Variants in NAALADL2 observed in about 807,000 individuals in gnomAD.
The protein encoded by NAALADL2 is inactive N-acetylated-alpha-linked acidic dipeptidase-like protein 2.
Under a neutral mutation model 87.2 loss-of-function variants are expected in NAALADL2, and 76 were observed. The observed-to-expected ratio is 0.87, with a 90% CI of 0.72 to 1.05. The LOEUF is 1.05. Among genes scored for constraint, NAALADL2 ranks in the 50% least tolerant of loss-of-function variants. NAALADL2 has a pLI of 0.00. For synonymous variants in NAALADL2, 354 were observed against 331.0 expected, an observed-to-expected ratio of 1.07 and a Z score of -0.75; for missense variants, 1,089 against 945.8, an observed-to-expected ratio of 1.15 and a Z score of -1.99.
At chr3:175,168,607 A>G (rs925516458) in intron 2 of NAALADL2, among the ~76,000 whole-genome samples, 1 of 151,464 alleles carries the variant, frequency 6.6e-6, no homozygotes, top group Admixed American at 6.6e-5. Context: ...ATTCAATTCT[A>G]AATTATTCAT....
intron 4 of NAALADL2, among the ~76,000 whole-genome samples, chr3:175,323,029 A>T (rs903499129): frequency 6.6e-6 from 1 of 150,750 alleles, no homozygotes; most frequent in Non-Finnish European, 1.5e-5. Flanking sequence ...CTATAAAGAC[A>T]CATGCACACG....
chr3:175,214,505 A>G (rs542885665), intron 2 of NAALADL2, among the ~76,000 whole-genome samples: 1 of 152,284 alleles, frequency 6.6e-6, no homozygotes, highest in South Asian at 2.1e-4. Context: ...TGATAGATCT[A>G]TTCATGGCTT....
rs951153326 is a variant in NAALADL2, at chr3:175,384,663, T to C, written c.1090+60338T>C. Among the ~76,000 whole-genome samples the C allele has an allele frequency of 3.3e-5, 5 of 152,038 alleles. 1 individual carries two copies. The highest frequency in any genetic ancestry group is 1.2e-4 in the African/African-American group (5 of 41,548). ...TTATAATTTCTCTTAAATTTGTTTG[T>C]GCAATAATATTGCATTATTACCAAT... On this transcript the variant is annotated intron_variant, in intron 5 of 13. Transcript: ENST00000454872.
intron 5 of NAALADL2, among the ~76,000 whole-genome samples, chr3:175,360,561 T>C (rs551437970): frequency 4.0e-4 from 61 of 152,138 alleles, no homozygotes; most frequent in South Asian, 2.1e-3. Flanking sequence ...ACAGGAGATA[T>C]AAGTGTTGAG....
chr3:174,879,142 G>A (rs753255573), intron 1 of NAALADL2, among the ~76,000 whole-genome samples: 20 of 151,980 alleles, frequency 1.3e-4, no homozygotes, highest in South Asian at 2.1e-4. Flanking sequence ...TATTTTTTTC[G>A]TACCTAAATA....
chr3:175,331,703 T>C (rs546841842), intron 5 of NAALADL2, among the ~76,000 whole-genome samples: 2 of 152,272 alleles, frequency 1.3e-5, no homozygotes, highest in East Asian at 3.9e-4. Flanking sequence ...AAGACATGGA[T>C]GTCCACTTTC....
intron 2 of NAALADL2, among the ~76,000 whole-genome samples, chr3:175,146,274 C>T (rs934911608): frequency 6.6e-6 from 1 of 151,990 alleles, no homozygotes; most frequent in Non-Finnish European, 1.5e-5. Flanking sequence ...AAGTGAGTCT[C>T]TGGTCTACCC....
intron 3 of NAALADL2, among the ~76,000 whole-genome samples, chr3:174,780,344 CTT>C (rs1474430153): frequency 6.6e-6 from 1 of 152,150 alleles, no homozygotes; most frequent in African/African-American, 2.4e-5. Context: ...TATCCTGAAA[CTT>C]TACTGAAGTT....
rs181279797 is a variant in NAALADL2 at position 175,610,872 on chromosome 3, T to C, written c.1801-16419T>C. Among the ~76,000 whole-genome samples the C allele has an allele frequency of 2.3e-3, 350 of 152,192 alleles. 1 individual carries two copies. Among genetic ancestry groups the C allele is most frequent in the Non-Finnish European group, 3.9e-3 (268 of 67,948 alleles). On this transcript the variant is annotated intron_variant, in intron 10 of 13. Transcript: ENST00000454872. ...TGTTTTGCTCATTGTTCTCGTTTAA[T>C]AATATTGAATATTAATATATAACTG...
At chr3:175,255,219 T>C (rs1560239210) in intron 3 of NAALADL2, among the ~76,000 whole-genome samples, 1 of 152,212 alleles carries the variant, frequency 6.6e-6, no homozygotes, top group African/African-American at 2.4e-5. Flanking sequence ...TTTTTACAGA[T>C]ACAGATGAAT....
At chr3:175,233,240 G>A (rs1369036527) in intron 2 of NAALADL2, among the ~76,000 whole-genome samples, 1 of 152,046 alleles carries the variant, frequency 6.6e-6, no homozygotes. Context: ...CAATCATATT[G>A]TTTTAAATGA....
At chr3:175,515,596 T>G (rs908917945) in intron 9 of NAALADL2, among the ~76,000 whole-genome samples, 2 of 149,778 alleles carry the variant, frequency 1.3e-5, no homozygotes, top group Non-Finnish European at 1.5e-5. Flanking sequence ...AATACACAAC[T>G]GCCCAAAGAG....
chr3:175,103,001 T>C (rs753934620), intron 2 of NAALADL2, among the ~76,000 whole-genome samples: 3 of 149,650 alleles, frequency 2.0e-5, no homozygotes, highest in Non-Finnish European at 4.4e-5. Flanking sequence ...CCCAGCCACT[T>C]GGGAGGCTAA....
At chr3:175,395,106 T>TA (rs1769599628) in intron 5 of NAALADL2, among the ~76,000 whole-genome samples, 1 of 152,076 alleles carries the variant, frequency 6.6e-6, no homozygotes, top group Non-Finnish European at 1.5e-5. Flanking sequence ...GTTGACCTGA[T>TA]GACTGAGATG....
intron 1 of NAALADL2, among the ~76,000 whole-genome samples, chr3:174,544,695 C>T (rs1401004933): frequency 2.7e-5 from 4 of 150,850 alleles, no homozygotes; most frequent in Admixed American, 6.6e-5. Context: ...CTCAGCCTCC[C>T]GAGTAGCTGG....
At chr3:175,235,213 A>G (rs1200346290) in intron 3 of NAALADL2, 1 of 152,150 alleles carries the variant, frequency 6.6e-6, no homozygotes, top group African/African-American at 2.4e-5. Context: ...AATCATTTAA[A>G]ATTACTTTGC....
chr3:175,252,772 A>G (rs531423201), intron 3 of NAALADL2, among the ~76,000 whole-genome samples: 1 of 152,338 alleles, frequency 6.6e-6, no homozygotes, highest in Non-Finnish European at 1.5e-5. Flanking sequence ...ATAATTAGAG[A>G]GCAAAACAGC....
At chr3:175,684,553 G>A (rs562450210) in intron 11 of NAALADL2, among the ~76,000 whole-genome samples, 1 of 152,242 alleles carries the variant, frequency 6.6e-6, no homozygotes, top group African/African-American at 2.4e-5. Context: ...CCAGCATTTT[G>A]GGAGGCTGAA....
intron 11 of NAALADL2, among the ~76,000 whole-genome samples, chr3:175,686,115 A>T (rs1332985172): frequency 6.6e-6 from 1 of 152,208 alleles, no homozygotes; most frequent in Non-Finnish European, 1.5e-5. Flanking sequence ...CTCATCCATG[A>T]ATCCTATTAA....
Sources: gnomAD v4.1 joint callset for allele counts (sites outside exome capture counted in the v4.1 genomes callset) on GRCh38, gnomAD v4.1.1 for gene constraint, MANE v1.5 for transcripts, NCBI Gene and HGNC (gene_info 2026-07-23, HGNC 2026-07-21) for gene names.